The following MYO16 variants were observed in gnomAD, a reference collection of about 807,000 sequenced individuals.
MYO16 encodes myosin XVI, also known as unconventional myosin-XVI.
In MYO16, 94 loss-of-function variants were observed where a neutral mutation model predicts 205.3. That is an observed-to-expected ratio of 0.46 (90% CI 0.39 to 0.54). The LOEUF (loss-of-function observed/expected upper bound fraction) is 0.54, where lower values mean the gene tolerates loss of function less well. Among genes scored for constraint, MYO16 ranks in the 20% least tolerant of loss-of-function variants. The probability of loss-of-function intolerance (pLI) is 0.00; values close to 1 mark genes in which losing one functional copy is unlikely to be tolerated. For missense variants in MYO16, 2,315 were observed against 2,387.5 expected (o/e 0.97, Z 0.63); for synonymous variants, 988 against 954.0 (o/e 1.04, Z -0.66).
the MYO16 span, among the ~76,000 whole-genome samples, chr13:108,583,681 AT>A: frequency 6.6e-6 from 1 of 152,188 alleles, no homozygotes; most frequent in African/African-American, 2.4e-5. Flanking sequence ...AATGATAATA[AT>A]TTGCTCATTT....
intron 1 of MYO16, among the ~76,000 whole-genome samples, chr13:108,633,084 G>A (rs1200413230): frequency 1.3e-5 from 2 of 149,374 alleles, no homozygotes; most frequent in Non-Finnish European, 3.0e-5. Context: ...CAGGAGGAAG[G>A]TTAAAGTTAT....
At chr13:108,549,555 G>C in the MYO16 span, among the ~76,000 whole-genome samples, 2 of 152,086 alleles carry the variant, frequency 1.3e-5, no homozygotes, top group Non-Finnish European at 2.9e-5. Flanking sequence ...CATAAATAGA[G>C]TAAGGAGTTA....
intron 32 of MYO16, among the ~76,000 whole-genome samples, chr13:109,160,967 G>C (rs1026224176): frequency 1.3e-5 from 2 of 152,134 alleles, no homozygotes; most frequent in African/African-American, 4.8e-5. Context: ...ACCACTTTAC[G>C]GGAGAACCCA....
intron 10 of MYO16, among the ~76,000 whole-genome samples, chr13:108,854,543 C>G (rs1878067872): frequency 1.3e-5 from 2 of 151,750 alleles, no homozygotes; most frequent in South Asian, 4.2e-4. Flanking sequence ...GATACAAATA[C>G]AAAATGCAAA....
chr13:109,168,283 C>A (rs182749397), intron 33 of MYO16, among the ~76,000 whole-genome samples: 5 of 151,904 alleles, frequency 3.3e-5, no homozygotes, highest in Admixed American at 3.3e-4. Flanking sequence ...AAATGATTAG[C>A]AGAATATTTT....
chr13:109,172,002 A>G (rs1463340014), intron 33 of MYO16, among the ~76,000 whole-genome samples: 1 of 152,174 alleles, frequency 6.6e-6, no homozygotes, highest in Admixed American at 6.5e-5. Flanking sequence ...GGACCAGGAA[A>G]TCTGCATTCT....
At chr13:109,072,005 A>G (rs999342304) in intron 27 of MYO16, among the ~76,000 whole-genome samples, 1 of 152,202 alleles carries the variant, frequency 6.6e-6, no homozygotes, top group Non-Finnish European at 1.5e-5. Flanking sequence ...TTATTGTACT[A>G]TGGTTATGCT....
intron 2 of MYO16, among the ~76,000 whole-genome samples, chr13:108,677,641 A>G (rs185200558): frequency 6.6e-6 from 1 of 152,036 alleles, no homozygotes; most frequent in East Asian, 1.9e-4. Context: ...CTGATTTTGT[A>G]GTGTCACTTC....
intron 27 of MYO16, among the ~76,000 whole-genome samples, chr13:109,081,022 A>G (rs1456723579): frequency 6.6e-6 from 1 of 152,134 alleles, no homozygotes; most frequent in Non-Finnish European, 1.5e-5. Flanking sequence ...AAACGTATTG[A>G]CAGACTTGAA....
At chr13:108,657,659 C>G (rs1881304788) in intron 1 of MYO16, among the ~76,000 whole-genome samples, 1 of 151,978 alleles carries the variant, frequency 6.6e-6, no homozygotes, top group Non-Finnish European at 1.5e-5. Context: ...AAATGTAGCT[C>G]TCTTCTTCTG....
At chr13:108,717,244 T>C (rs1594236532) in intron 3 of MYO16, among the ~76,000 whole-genome samples, 1 of 152,144 alleles carries the variant, frequency 6.6e-6, no homozygotes, top group African/African-American at 2.4e-5. Context: ...TGAAATATAT[T>C]AGAAATAAGA....
At chr13:108,894,157 G>A (rs1397599256) in intron 14 of MYO16, among the ~76,000 whole-genome samples, 1 of 152,086 alleles carries the variant, frequency 6.6e-6, no homozygotes, top group African/African-American at 2.4e-5. Flanking sequence ...TAGATCTCAT[G>A]CGAATGCCTT....
chr13:109,050,579 A>C (rs1887214369), intron 24 of MYO16, among the ~76,000 whole-genome samples: 1 of 152,202 alleles, frequency 6.6e-6, no homozygotes, highest in Admixed American at 6.5e-5. Flanking sequence ...ACTTTTACCC[A>C]TTAGTTTTAC....
chr13:108,978,364 A>G (rs947209287), intron 20 of MYO16, among the ~76,000 whole-genome samples: 3 of 152,076 alleles, frequency 2.0e-5, no homozygotes, highest in African/African-American at 7.2e-5. Flanking sequence ...TGGCAACTAA[A>G]TATTTGCCAT....
intron 1 of MYO16, among the ~76,000 whole-genome samples, chr13:108,611,771 TG>T (rs1462113598): frequency 6.6e-6 from 1 of 151,962 alleles, no homozygotes; most frequent in African/African-American, 2.4e-5. Context: ...TAGGGTACTG[TG>T]CTCCTCCAAC....
intron 6 of MYO16, among the ~76,000 whole-genome samples, chr13:108,794,621 A>T (rs530662297): frequency 1.3e-5 from 2 of 152,246 alleles, no homozygotes; most frequent in African/African-American, 4.8e-5. Context: ...TTATTAAAAG[A>T]TCAACAAAAT....
chr13:108,688,017 A>G (rs916483412), intron 2 of MYO16, among the ~76,000 whole-genome samples: 2 of 152,130 alleles, frequency 1.3e-5, no homozygotes, highest in Non-Finnish European at 2.9e-5. Context: ...TCAAAGCAAA[A>G]TAACTTTGAG....
intron 20 of MYO16, among the ~76,000 whole-genome samples, chr13:108,968,683 T>C (rs1047206176): frequency 1.7e-4 from 26 of 152,080 alleles, no homozygotes; most frequent in African/African-American, 5.8e-4. Flanking sequence ...AGCAATTTGA[T>C]GAGTGACACA....
chr13:109,084,251 A>C (rs1370624306), intron 27 of MYO16, among the ~76,000 whole-genome samples: 1 of 152,192 alleles, frequency 6.6e-6, no homozygotes, highest in Non-Finnish European at 1.5e-5. Context: ...CTAGAGAAGC[A>C]ATGATAGCAT....
Sources: allele counts gnomAD v4.1 joint callset (sites outside exome capture counted in the v4.1 genomes callset), GRCh38; gene constraint gnomAD v4.1.1; transcripts MANE v1.5; gene names NCBI Gene and HGNC (gene_info 2026-07-23, HGNC 2026-07-21).